DYNC1I1: variants seen among roughly 807,000 people sequenced by gnomAD.
The protein encoded by DYNC1I1 is dynein cytoplasmic 1 intermediate chain 1.
A neutral mutation model predicts 86.6 loss-of-function variants in DYNC1I1; 43 were observed. The observed-to-expected ratio is 0.50, with a 90% CI of 0.39 to 0.64. The LOEUF is 0.64. Among genes scored for constraint, DYNC1I1 ranks in the 30% least tolerant of loss-of-function variants. DYNC1I1 has a pLI of 0.00. For synonymous variants in DYNC1I1, 262 were observed against 283.7 expected (o/e 0.92, Z 0.77); for missense variants, 604 against 788.8 (o/e 0.77, Z 2.81).
intron 3 of DYNC1I1, among the ~76,000 whole-genome samples, chr7:95,812,678 A>T (rs1584246017): frequency 6.6e-6 from 1 of 152,322 alleles, no homozygotes; most frequent in African/African-American, 2.4e-5. Context: ...ACCAGTTTCA[A>T]CATTTACCCT....
chr7:96,105,309 GTTTCT>G (rs1791199511), intron 16 of DYNC1I1, among the ~76,000 whole-genome samples: 1 of 150,868 alleles, frequency 6.6e-6, no homozygotes, highest in South Asian at 2.1e-4. Context: ...TTTTCCTCCT[GTTTCT>G]TTTCTTTTTT....
At chr7:95,936,496 G>A (rs1792043764) in intron 6 of DYNC1I1, among the ~76,000 whole-genome samples, 1 of 151,782 alleles carries the variant, frequency 6.6e-6, no homozygotes, top group Non-Finnish European at 1.5e-5. Context: ...TGGTTTTTAG[G>A]TGAAACAAGG....
intron 14 of DYNC1I1, among the ~76,000 whole-genome samples, chr7:96,057,831 A>G (rs1004952310): frequency 6.6e-6 from 1 of 152,194 alleles, no homozygotes; most frequent in African/African-American, 2.4e-5. Flanking sequence ...TTAAGTTGCC[A>G]GCAGTCATAT....
chr7:96,107,151 C>T (rs986958725), intron 16 of DYNC1I1, among the ~76,000 whole-genome samples: 30 of 151,834 alleles, frequency 2.0e-4, no homozygotes, highest in African/African-American at 5.3e-4. Context: ...CTCAGCCTCC[C>T]GAGAAGCTGA....
At chr7:95,845,178 G>A (rs1358413138) in intron 5 of DYNC1I1, among the ~76,000 whole-genome samples, 1 of 152,144 alleles carries the variant, frequency 6.6e-6, no homozygotes, top group East Asian at 1.9e-4. Flanking sequence ...TGTCTTCTTT[G>A]CATTCTTGGC....
At chr7:96,006,114 A>G (rs1326979060) in intron 10 of DYNC1I1, among the ~76,000 whole-genome samples, 1 of 152,224 alleles carries the variant, frequency 6.6e-6, no homozygotes, top group East Asian at 1.9e-4. Context: ...TGTTTTAAAC[A>G]TGGAGAAAAT....
chr7:96,069,095 T>A (rs973954244), intron 14 of DYNC1I1, among the ~76,000 whole-genome samples: 2 of 152,144 alleles, frequency 1.3e-5, no homozygotes, highest in African/African-American at 4.8e-5. Context: ...CTGTACACCC[T>A]CCTAATCCTT....
chr7:95,933,691 C>T (rs868750565), intron 6 of DYNC1I1, among the ~76,000 whole-genome samples: 2 of 152,110 alleles, frequency 1.3e-5, no homozygotes, highest in African/African-American at 2.4e-5. Context: ...TGACACTGCA[C>T]TGAAGGCAGT....
chr7:95,942,457 G>T (rs950517240), intron 6 of DYNC1I1, among the ~76,000 whole-genome samples: 5 of 152,258 alleles, frequency 3.3e-5, no homozygotes, highest in Non-Finnish European at 7.4e-5. Context: ...GGAGGAACTG[G>T]TACCATTCCT....
chr7:96,061,165 C>T (rs540219246), intron 14 of DYNC1I1, among the ~76,000 whole-genome samples: 21 of 152,274 alleles, frequency 1.4e-4, no homozygotes, highest in African/African-American at 4.1e-4. Context: ...ATGCAGCCGA[C>T]TGGCTGGAAC....
chr7:95,774,326 G>T (rs1055268219), intron 1 of DYNC1I1, among the ~76,000 whole-genome samples: 1 of 133,206 alleles, frequency 7.5e-6, no homozygotes, highest in South Asian at 2.9e-4. Context: ...AAATGCACTT[G>T]CTTCCTCCTT....
intron 5 of DYNC1I1, among the ~76,000 whole-genome samples, chr7:95,844,230 T>G (rs1789366749): frequency 6.6e-6 from 1 of 152,196 alleles, no homozygotes; most frequent in African/African-American, 2.4e-5. Context: ...TTCAGAAGCC[T>G]CGTGATTATA....
intron 4 of DYNC1I1, among the ~76,000 whole-genome samples, chr7:95,814,397 C>T (rs555684871): frequency 6.6e-6 from 1 of 152,212 alleles, no homozygotes; most frequent in Non-Finnish European, 1.5e-5. Flanking sequence ...AAAGAAGAAA[C>T]AACCATCTAC....
intron 1 of DYNC1I1, among the ~76,000 whole-genome samples, chr7:95,802,508 C>T (rs1372410891): frequency 1.3e-5 from 2 of 152,198 alleles, no homozygotes; most frequent in African/African-American, 4.8e-5. Context: ...TAGGCTTAAG[C>T]AAATTCCATT....
Position 95,952,678 on chromosome 7 carries a change from C to G in DYNC1I1, c.491-24834C>G, listed in dbSNP as rs78568266. 6.9e-3 allele frequency among the ~76,000 whole-genome samples: 1,054 copies of G among 152,202 alleles called. 32 individuals are homozygous for G. The highest frequency in any genetic ancestry group is 0.034 in the East Asian group (174 of 5,178). On this transcript the variant is annotated intron_variant, in intron 6 of 16. Coordinates refer to ENST00000447467, the MANE Select transcript of DYNC1I1 (RefSeq NM_001135556.2). ...AGTGAGCGCTATGTTATTTCTGTAC[C>G]AGGCAAAAACCTTTTTGTTTAAATG...
intron 11 of DYNC1I1, among the ~76,000 whole-genome samples, chr7:96,031,774 G>A (rs568317961): frequency 2.6e-4 from 39 of 152,294 alleles, no homozygotes; most frequent in Middle Eastern, 6.8e-3. Context: ...GAAGCACCAA[G>A]TAAGTGTGGT....
intron 16 of DYNC1I1, among the ~76,000 whole-genome samples, chr7:96,093,869 A>G (rs1440731890): frequency 6.6e-6 from 1 of 152,182 alleles, no homozygotes; most frequent in African/African-American, 2.4e-5. Context: ...TTTGGAAATT[A>G]TTCTAAGCTA....
At chr7:95,785,775 G>GTATGTACATATA (rs55666459) in intron 1 of DYNC1I1, among the ~76,000 whole-genome samples, 5 of 124,906 alleles carry the variant, frequency 4.0e-5, no homozygotes, top group Non-Finnish European at 8.7e-5. Flanking sequence ...GTGTGTATGT[G>GTATGTACATATA]TATATATATA....
At chr7:96,108,045 A>G (rs1321992264) in intron 16 of DYNC1I1, among the ~76,000 whole-genome samples, 5 of 151,732 alleles carry the variant, frequency 3.3e-5, no homozygotes, top group African/African-American at 1.2e-4. Context: ...TACATATCTT[A>G]TTGTATTGGC....
Sources: gnomAD v4.1 joint callset for allele counts (sites outside exome capture counted in the v4.1 genomes callset) on GRCh38, gnomAD v4.1.1 for gene constraint, MANE v1.5 for transcripts, NCBI Gene and HGNC (gene_info 2026-07-23, HGNC 2026-07-21) for gene names.